The following EXOC6B variants were observed in gnomAD, a reference collection of about 807,000 sequenced individuals.
The protein encoded by EXOC6B is SEC15 homolog B.
In EXOC6B, 54 loss-of-function variants were observed where a neutral mutation model predicts 113.5. The ratio of observed to expected loss-of-function variants is 0.48; its 90% confidence interval spans 0.38 to 0.60. The LOEUF (loss-of-function observed/expected upper bound fraction) is 0.60, where lower values mean the gene tolerates loss of function less well. Ranked by LOEUF, EXOC6B falls within the 20% of genes least tolerant of loss-of-function variation. The pLI is 0.00. For missense variants in EXOC6B, 797 were observed against 977.5 expected (o/e 0.82, Z 2.46); for synonymous variants, 357 against 339.0 (o/e 1.05, Z -0.58).
intron 1 of EXOC6B, among the ~76,000 whole-genome samples, chr2:72,784,346 G>A (rs1218017875): frequency 6.6e-6 from 1 of 152,128 alleles, no homozygotes; most frequent in Non-Finnish European, 1.5e-5. Flanking sequence ...GGTTCCACAT[G>A]AATTTCAGAA....
intron 6 of EXOC6B, among the ~76,000 whole-genome samples, chr2:72,636,989 T>C (rs1672884161): frequency 1.3e-5 from 2 of 150,244 alleles, no homozygotes; most frequent in East Asian, 1.9e-4. Context: ...ATAACATCGA[T>C]AGCAAAAGAC....
intron 20 of EXOC6B, among the ~76,000 whole-genome samples, chr2:72,216,084 C>T (rs898329097): frequency 6.6e-6 from 1 of 151,812 alleles, no homozygotes; most frequent in Non-Finnish European, 1.5e-5. Context: ...GGTAGGAAAA[C>T]GATCACCGAG....
chr2:72,523,042 T>A (rs192744381), intron 8 of EXOC6B, among the ~76,000 whole-genome samples: 14 of 152,310 alleles, frequency 9.2e-5, no homozygotes, highest in African/African-American at 3.4e-4. Flanking sequence ...TGAATTCTTC[T>A]CCATGTGTCC....
chr2:72,561,759 C>T (rs932613462), intron 7 of EXOC6B, among the ~76,000 whole-genome samples: 38 of 152,130 alleles, frequency 2.5e-4, no homozygotes, highest in Non-Finnish European at 5.1e-4. Flanking sequence ...CACTTTTTGT[C>T]ATCTCCAACG....
intron 6 of EXOC6B, among the ~76,000 whole-genome samples, chr2:72,675,890 T>C (rs550260206): frequency 8.3e-4 from 127 of 152,216 alleles, no homozygotes; most frequent in African/African-American, 3.0e-3. Flanking sequence ...TCAGTATACT[T>C]ATGTGGTGCT....
intron 20 of EXOC6B, among the ~76,000 whole-genome samples, chr2:72,252,850 C>T (rs1387994749): frequency 6.6e-6 from 1 of 152,120 alleles, no homozygotes; most frequent in Admixed American, 6.6e-5. Context: ...CCTACACATG[C>T]AACCCTTAAT....
At chr2:72,446,904 G>A (rs556941353) in intron 18 of EXOC6B, among the ~76,000 whole-genome samples, 12 of 152,176 alleles carry the variant, frequency 7.9e-5, no homozygotes, top group South Asian at 2.1e-4. Context: ...GATCAAGACC[G>A]TCCTGGCCAA....
rs376771358 is a variant in EXOC6B at position 72,504,853 on chromosome 2, T to A, written c.1168-4881A>T. Among the ~76,000 whole-genome samples, 8 of 152,322 alleles carry A rather than the reference T, an allele frequency of 5.3e-5. No homozygotes were observed. The East Asian group carries it at 7.7e-4, about 15-fold the overall frequency. On this transcript the variant is annotated intron_variant, in intron 11 of 21. Transcript: ENST00000272427. ...TCTAATTTGCATTTTACCAATATAC[T>A]AAGAAGACTGAACACCTTTCACATG...
At chr2:72,408,396 C>G (rs1041955484) in intron 18 of EXOC6B, among the ~76,000 whole-genome samples, 3 of 152,014 alleles carry the variant, frequency 2.0e-5, no homozygotes, top group Non-Finnish European at 4.4e-5. Flanking sequence ...AAAAAAGAGC[C>G]CACATTGCCA....
At chr2:72,477,525 C>T (rs1698823846) in intron 17 of EXOC6B, among the ~76,000 whole-genome samples, 1 of 152,120 alleles carries the variant, frequency 6.6e-6, no homozygotes, top group African/African-American at 2.4e-5. Flanking sequence ...TTCTTCTTCC[C>T]CTTTTATTAA....
intron 18 of EXOC6B, among the ~76,000 whole-genome samples, chr2:72,418,489 A>C (rs1374442715): frequency 1.3e-5 from 2 of 152,176 alleles, no homozygotes; most frequent in Non-Finnish European, 2.9e-5. Context: ...ATATATGTTG[A>C]TGGTCTGTTA....
At chr2:72,531,653 C>T (rs1702010077) in intron 8 of EXOC6B, among the ~76,000 whole-genome samples, 1 of 152,114 alleles carries the variant, frequency 6.6e-6, no homozygotes, top group Non-Finnish European at 1.5e-5. Flanking sequence ...TTTCCCAAGA[C>T]AGAAGAGTAT....
chr2:72,812,301 T>C (rs567648157), intron 1 of EXOC6B, among the ~76,000 whole-genome samples: 1 of 152,060 alleles, frequency 6.6e-6, no homozygotes, highest in East Asian at 1.9e-4. Context: ...AAAAAGAAAA[T>C]GAATTACTTG....
chr2:72,734,146 GT>G (rs1680811950), intron 2 of EXOC6B, among the ~76,000 whole-genome samples: 1 of 152,128 alleles, frequency 6.6e-6, no homozygotes, highest in South Asian at 2.1e-4. Context: ...CAAGGAGCTA[GT>G]TTTTTAAAAG....
At chr2:72,548,783 A>G (rs1196827909) in intron 8 of EXOC6B, among the ~76,000 whole-genome samples, 1 of 152,218 alleles carries the variant, frequency 6.6e-6, no homozygotes, top group Non-Finnish European at 1.5e-5. Flanking sequence ...GAAAAACAAC[A>G]TATTTAGAAT....
chr2:72,657,544 T>G (rs1208757518), intron 6 of EXOC6B, among the ~76,000 whole-genome samples: 2 of 150,242 alleles, frequency 1.3e-5, no homozygotes, highest in African/African-American at 4.9e-5. Context: ...TCATTTAATA[T>G]TAGGTCTTTC....
At chr2:72,377,744 G>C (rs768114174) in intron 19 of EXOC6B, among the ~76,000 whole-genome samples, 1 of 152,142 alleles carries the variant, frequency 6.6e-6, no homozygotes, top group Non-Finnish European at 1.5e-5. Context: ...CAAAATTTCA[G>C]TTAGGAGAAA....
intron 20 of EXOC6B, among the ~76,000 whole-genome samples, chr2:72,311,597 C>G (rs1687187369): frequency 6.6e-6 from 1 of 152,116 alleles, no homozygotes; most frequent in Non-Finnish European, 1.5e-5. Context: ...GATAATCTTA[C>G]CATCTCAAGG....
chr2:72,485,111 G>C (rs970549366), intron 16 of EXOC6B, among the ~76,000 whole-genome samples: 3 of 152,076 alleles, frequency 2.0e-5, no homozygotes, highest in Non-Finnish European at 2.9e-5. Context: ...CCTATTTCTT[G>C]TGGAGGTAAT....
Sources: gnomAD v4.1 joint callset for allele counts (sites outside exome capture counted in the v4.1 genomes callset) on GRCh38, gnomAD v4.1.1 for gene constraint, MANE v1.5 for transcripts, NCBI Gene and HGNC (gene_info 2026-07-23, HGNC 2026-07-21) for gene names.